TP73: variants seen among roughly 807,000 people sequenced by gnomAD.
TP73 encodes the protein tumor protein p73, also known as p53-like transcription factor.
A neutral mutation model predicts 62.5 loss-of-function variants in TP73; 25 were observed. That is an observed-to-expected ratio of 0.40 (90% confidence interval 0.29 to 0.56). The LOEUF (loss-of-function observed/expected upper bound fraction) is 0.56. Ranked by LOEUF, TP73 falls within the 20% of genes least tolerant of loss-of-function variation. TP73 has a pLI of 0.46. For synonymous variants in TP73, 423 were observed against 377.5 expected, an observed-to-expected ratio of 1.12 and a Z score of -1.40; for missense variants, 754 against 913.3, an observed-to-expected ratio of 0.83 and a Z score of 2.25.
intron 1 of TP73, among the ~76,000 whole-genome samples, chr1:3,657,705 G>C (rs1458988760): frequency 6.6e-6 from 1 of 152,200 alleles, no homozygotes; most frequent in Non-Finnish European, 1.5e-5. Context: ...CCTCTTTTCA[G>C]GACGAGGATC....
chr1:3,695,280 C>T (rs1638532199), intron 3 of TP73, among the ~76,000 whole-genome samples: 1 of 152,222 alleles, frequency 6.6e-6, no homozygotes, highest in South Asian at 2.1e-4. Context: ...CCCTGACTTC[C>T]CAAATGTCCA....
chr1:3,692,359 G>T (rs1011121355), intron 3 of TP73, among the ~76,000 whole-genome samples: 1 of 152,172 alleles, frequency 6.6e-6, no homozygotes, highest in East Asian at 1.9e-4. Context: ...ATGCACTCGA[G>T]TCTGGCGGCA....
In TP73 at chr1:3,682,443, G is replaced by C; in HGVS notation, c.65+13G>C. On this transcript the variant is annotated intron_variant, in intron 2 of 13. Coordinates refer to ENST00000378295, the MANE Select transcript of TP73 (RefSeq NM_005427.4). ...TCTGGAGCTCTCTGTGAGTGCGCTT[G>C]GCTGGCCAGAGCTGGGGGCCCCCCT... The C allele has an allele frequency of 1.3e-6, 2 of 1,503,244 alleles. No homozygotes were observed. Among genetic ancestry groups the C allele is most frequent in the Non-Finnish European group, 1.8e-6 (2 of 1,112,828 alleles). The allele number at this position is 1,503,244 out of a possible 1,614,324, so 93.1% of individuals were successfully genotyped here.
chr1:3,669,552 G>A lies in TP73; in HGVS notation c.-33-12781G>A, dbSNP rs528557259. ...AGCCTGGCACGTCCGGGGGCTTCCC[G>A]GCTGGGGGCCGCCATCCTCAGCCTC... On this transcript the variant is annotated intron_variant, in intron 1 of 13. Transcript: ENST00000378295. Among the ~76,000 whole-genome samples the A allele has an allele frequency of 2.0e-5, 3 of 152,360 alleles. No homozygotes were observed. In the South Asian group the frequency reaches 6.2e-4, roughly 32 times the overall value.
rs1183545239 is a variant in TP73, at chr1:3,732,873, A to G, written c.1705A>G (p.Ile569Val). The G allele has an allele frequency of 1.2e-6, 2 of 1,611,910 alleles. No individual in the cohort carries two copies. The highest frequency in any genetic ancestry group is 1.1e-5 in the South Asian group (1 of 91,012). The change falls in exon 14 of 14, where the codon ATC becomes GTC. Residue 569 changes from isoleucine to valine, a missense_variant. This residue lies in a region of TP73 where 458 missense variants were observed against 528.7 expected (regional missense o/e 0.87). Transcript: ENST00000378295. Reference protein sequence around the residue: ...QLLRSSNAATISIGGSGELQR... With the variant: ...QLLRSSNAATVSIGGSGELQR... ...GCTCCGCTCTAGCAACGCGGCCACCATCTCCATCGGCGGCTCAGGGGAACT... is the reference window on the plus strand; with the variant it reads ...GCTCCGCTCTAGCAACGCGGCCACCGTCTCCATCGGCGGCTCAGGGGAACT...
intron 1 of TP73, among the ~76,000 whole-genome samples, chr1:3,669,517 T>C (rs529294026): frequency 1.1e-4 from 16 of 152,240 alleles, no homozygotes; most frequent in African/African-American, 3.1e-4. Context: ...AGGCGCAGAG[T>C]GACTGCCCCA....
At chr1:3,658,485 G>C (rs1557478854) in intron 1 of TP73, among the ~76,000 whole-genome samples, 1 of 152,256 alleles carries the variant, frequency 6.6e-6, no homozygotes, top group East Asian at 1.9e-4. Context: ...GGGAGCGGTA[G>C]AGACAAATGA....
In TP73 at chr1:3,722,150, G is replaced by A. The variant is rs1448250521; in HGVS notation, c.559G>A (p.Val187Met). ...AMPVYKKAEHVTDVVKRCPNH... is the reference protein window; with the variant it reads ...AMPVYKKAEHMTDVVKRCPNH... ...GCCTGTTTACAAGAAAGCGGAGCACGTGACCGACGTCGTGAAACGCTGCCC... is the reference window on the plus strand; with the variant it reads ...GCCTGTTTACAAGAAAGCGGAGCACATGACCGACGTCGTGAAACGCTGCCC... Residue 187 changes from valine (V) to methionine (M), a missense_variant, in exon 5 of 14, where the codon GTG (valine) becomes ATG (methionine). Coordinates refer to ENST00000378295, the MANE Select transcript of TP73 (RefSeq NM_005427.4). 8.1e-6 allele frequency: 13 copies of A among 1,612,604 alleles called. No homozygotes were observed. The highest frequency in any genetic ancestry group is 2.2e-5 in the East Asian group (1 of 44,896).
intron 6 of TP73, 97 bp from the exon 7 acceptor site, chr1:3,727,018 G>C: frequency 9.9e-7 from 1 of 1,007,376 alleles, no homozygotes; most frequent in Non-Finnish European, 1.5e-6. Flanking sequence ...CCCTGCCTAC[G>C]TGGAGCCAGG....
chr1:3,732,622 C>T, intron 13 of TP73, 125 bp from the exon 14 acceptor site: 1 of 838,230 alleles, frequency 1.2e-6, no homozygotes, highest in South Asian at 1.8e-5. Flanking sequence ...CCCCCGTCTC[C>T]TGCCTACTCT....
At chr1:3,690,170 G>C (rs1645774546) in intron 3 of TP73, among the ~76,000 whole-genome samples, 1 of 152,154 alleles carries the variant, frequency 6.6e-6, no homozygotes, top group Non-Finnish European at 1.5e-5. Flanking sequence ...CCCCTGCTTT[G>C]GGCAGGCAGT....
chr1:3,735,319 G>A lies in TP73; in HGVS notation c.*2240G>A, dbSNP rs985352025. 6.8e-6 allele frequency: 1 copy of A among 146,106 alleles called. No homozygotes were observed. Among genetic ancestry groups the A allele is most frequent in the Non-Finnish European group, 1.5e-5 (1 of 66,176 alleles). 9.1% of individuals were successfully genotyped at this position (146,106 alleles called of 1,614,324 possible). ...GCTTGTTGATTTGTTTCTTAGGTAC[G>A]TTACCTGTCCACCCTGAGTCCAGTG... On this transcript the variant is annotated 3_prime_UTR_variant, in exon 14 of 14. Coordinates refer to ENST00000378295, the MANE Select transcript of TP73 (RefSeq NM_005427.4).
At chr1:3,674,139 T>C (rs1256130344) in intron 1 of TP73, among the ~76,000 whole-genome samples, 1 of 152,164 alleles carries the variant, frequency 6.6e-6, no homozygotes, top group Non-Finnish European at 1.5e-5. Flanking sequence ...TGGCTGAGTG[T>C]GAACTGACCC....
At chr1:3,684,340 T>C (rs1477466632) in intron 3 of TP73, among the ~76,000 whole-genome samples, 1 of 152,168 alleles carries the variant, frequency 6.6e-6, no homozygotes, top group Admixed American at 6.5e-5. Flanking sequence ...CGGGCCTCCC[T>C]CACTTATGCT....
At chr1:3,725,022 A>G (rs192670245) in intron 6 of TP73, among the ~76,000 whole-genome samples, 4,808 of 152,204 alleles carry the variant, frequency 0.032, 104 homozygotes, top group Non-Finnish European at 0.05. Context: ...CCGTCTCAAA[A>G]AAAAAAAAAA....
chr1:3,690,864 G>A (rs562478603), intron 3 of TP73: 168 of 1,560,190 alleles, frequency 1.1e-4, no homozygotes, highest in African/African-American at 1.1e-3. Context: ...CGTCCCACGG[G>A]ACACCAGTTC....
At chr1:3,718,901 G>C (rs3765767) in intron 4 of TP73, among the ~76,000 whole-genome samples, 60,344 of 151,970 alleles carry the variant, frequency 0.4, 13,700 homozygotes, top group Non-Finnish European at 0.51. Context: ...TCCTCACCTG[G>C]TGCTGAGAAT....
At chr1:3,731,090 G>C in intron 12 of TP73, 25 bp downstream of exon 12, 1 of 1,604,098 alleles carries the variant, frequency 6.2e-7, no homozygotes, top group South Asian at 1.1e-5. Flanking sequence ...GAGGGCCTGA[G>C]CATGTGCTGT....
intron 1 of TP73, among the ~76,000 whole-genome samples, chr1:3,678,741 C>A (rs1328844140): frequency 6.6e-6 from 1 of 152,088 alleles, no homozygotes; most frequent in Non-Finnish European, 1.5e-5. Context: ...GTCCCAGGCT[C>A]TTCATGACTC....
Sources: allele counts gnomAD v4.1 joint callset (sites outside exome capture counted in the v4.1 genomes callset), GRCh38; gene constraint gnomAD v4.1.1; regional missense constraint gnomAD v4.1.1; transcripts MANE v1.5; gene names NCBI Gene and HGNC (gene_info 2026-07-23, HGNC 2026-07-21).